The following KLHL42 variants were observed in gnomAD, a reference collection of about 807,000 sequenced individuals.
KLHL42 encodes the protein kelch like family member 42.
KLHL42 carries 27 observed loss-of-function variants against 32.7 expected under a neutral mutation model. The ratio of observed to expected loss-of-function variants is 0.83; its 90% CI spans 0.61 to 1.14. The LOEUF is 1.14. Among genes scored for constraint, KLHL42 ranks in the 50% most tolerant of loss-of-function variants. KLHL42 has a pLI of 0.00. For missense variants in KLHL42, 491 were observed against 560.8 expected, an observed-to-expected ratio of 0.88 and a Z score of 1.26; for synonymous variants, 267 against 248.2, an observed-to-expected ratio of 1.08 and a Z score of -0.71.
Position 27,780,352 on chromosome 12 carries a change from C to G in KLHL42, c.22C>G (p.Gln8Glu). ...AGCCATGTCGGCCGAGGAGATGGTG[C>G]AGATCCGCCTGGAGGACCGCTGCTA... MSAEEMV[Q>E]IRLEDRCYPV... is the part of the protein sequence containing the mutation. Residue 8 changes from glutamine (Q) to glutamate (E), a missense_variant, in exon 1 of 3, where the codon CAG becomes GAG. Gln to Glu is a conservative substitution (Grantham distance 29). This residue lies in a region of KLHL42 where 88 missense variants were observed against 89.0 expected (regional missense o/e 0.99). Coordinates refer to ENST00000381271, the MANE Select transcript of KLHL42 (RefSeq NM_020782.2). The surrounding 1 kb of genome is among the most constrained non-coding windows in gnomAD (Gnocchi z 8.8). The G allele has an allele frequency of 1.3e-6, 2 of 1,581,564 alleles. No homozygotes were observed. The highest frequency in any genetic ancestry group is 2.1e-4 in the Middle Eastern group (1 of 4,730).
chr12:27,797,129 A>C, intron 2 of KLHL42: 1 of 408,772 alleles, frequency 2.4e-6, no homozygotes, highest in Non-Finnish European at 4.8e-6. Flanking sequence ...GTCTTTAAAA[A>C]AAAACAAAAA....
At chr12:27,785,722 A>G (rs541579889) in intron 1 of KLHL42, among the ~76,000 whole-genome samples, 102 of 151,628 alleles carry the variant, frequency 6.7e-4, no homozygotes, top group African/African-American at 2.4e-3. Flanking sequence ...CCGATCAGGA[A>G]CTAGGACTTA....
intron 2 of KLHL42, 115 bp downstream of exon 2, chr12:27,792,016 A>G: frequency 2.5e-6 from 2 of 800,144 alleles, no homozygotes; most frequent in South Asian, 3.2e-5. Flanking sequence ...TTATGCTTTA[A>G]TAGTGTACAC....
At chr12:27,797,496 C>G (rs1443227809) in intron 2 of KLHL42, 1 of 596,104 alleles carries the variant, frequency 1.7e-6, no homozygotes, top group East Asian at 2.9e-5. Flanking sequence ...GTCTGAGTCT[C>G]CCACGGAAGA....
Position 27,791,727 on chromosome 12 carries a change from G to A in KLHL42, c.892G>A (p.Ala298Thr), listed in dbSNP as rs777304255. 1.2e-6 allele frequency: 2 copies of A among 1,613,990 alleles called. No homozygotes were observed. The highest frequency in any genetic ancestry group is 1.7e-6 in the Non-Finnish European group (2 of 1,179,976). Residue 298 changes from alanine to threonine, a missense_variant, in exon 2 of 3, where the codon GCT becomes ACT. Transcript: ENST00000381271. The stretch of plus-strand genomic sequence containing the variant: ...TTTCAGGTCTAACTTCAAACTTGTG[G>A]CTGTTAATTCAAAACTCTATGCCAT... ...NQKRSNFKLV[A>T]VNSKLYAIGG...
In KLHL42 at chr12:27,791,698, T is replaced by C; in HGVS notation, c.873-10T>C. ...AACTAACTCTGTGGGCCTTTGTGTC[T>C]CTCTTTCAGGTCTAACTTCAAACTT... On this transcript the variant is annotated splice_polypyrimidine_tract_variant and intron_variant, in intron 1 of 2. Coordinates refer to ENST00000381271, the MANE Select transcript of KLHL42 (RefSeq NM_020782.2). 1 of 1,610,938 alleles carries C rather than the reference T, an allele frequency of 6.2e-7. No individual in the cohort carries two copies. Among genetic ancestry groups the C allele is most frequent in the Non-Finnish European group, 8.5e-7 (1 of 1,177,134 alleles).
intron 1 of KLHL42, among the ~76,000 whole-genome samples, chr12:27,786,296 A>G (rs2062171611): frequency 6.6e-6 from 1 of 152,250 alleles, no homozygotes; most frequent in Non-Finnish European, 1.5e-5. Flanking sequence ...GCTACTTTTC[A>G]AAATTTCATC....
chr12:27,780,330 C>T lies in KLHL42; in HGVS notation c.-1C>T, dbSNP rs1377122026. On this transcript the variant is annotated 5_prime_UTR_variant, in exon 1 of 3. Transcript: ENST00000381271. This position sits in a 1 kb window ranked among gnomAD's most constrained non-coding sequence, Gnocchi z 8.8. The stretch of plus-strand genomic sequence containing the variant: ...GCGCTGCCGCCCCGGGGCCCCCAGC[C>T]ATGTCGGCCGAGGAGATGGTGCAGA... The T allele has an allele frequency of 2.6e-6, 4 of 1,560,728 alleles. No individual in the cohort carries two copies. The highest frequency in any genetic ancestry group is 1.7e-6 in the Non-Finnish European group (2 of 1,157,782).
chr12:27,784,729 C>A (rs1383514725), intron 1 of KLHL42, among the ~76,000 whole-genome samples: 1 of 152,234 alleles, frequency 6.6e-6, no homozygotes, highest in Non-Finnish European at 1.5e-5. Context: ...AGTGTTTGTG[C>A]TTGCCAGTTC....
chr12:27,801,364 G>C lies in KLHL42; in HGVS notation c.*3198G>C, dbSNP rs2062246713. 3 of 152,166 alleles carry C rather than the reference G, an allele frequency of 2.0e-5. No homozygotes were observed. Among genetic ancestry groups the C allele is most frequent in the Admixed American group, 6.5e-5 (1 of 15,268 alleles). The allele number at this position is 152,166 out of a possible 1,614,324, so 9.4% of individuals were successfully genotyped here. A position where few individuals can be genotyped will look rare whatever the true frequency, so the allele number is the denominator to read the frequency against. On this transcript the variant is annotated 3_prime_UTR_variant, in exon 3 of 3. Transcript: ENST00000381271. ...TGGACTGTTGCCTATTGAGCATTGT[G>C]GATGATGTGTTTTCAGATTTCCAGG... is the stretch of plus-strand genomic sequence containing the variant.
rs1488064701 is a variant in KLHL42 at position 27,800,887 on chromosome 12, G to A, written c.*2721G>A. 6.6e-6 allele frequency: 1 copy of A among 152,070 alleles called. No individual in the cohort carries two copies. The highest frequency in any genetic ancestry group is 1.5e-5 in the Non-Finnish European group (1 of 68,016). The allele number at this position is 152,070 out of a possible 1,614,324, so 9.4% of individuals were successfully genotyped here. Reference sequence around the variant, plus strand: ...GAAAAGGGTTGCTTGGAGGACCTGGGGTGGCAGCCCCCCGACCAGAAGCAC... The same window carrying A: ...GAAAAGGGTTGCTTGGAGGACCTGGAGTGGCAGCCCCCCGACCAGAAGCAC... On this transcript the variant is annotated 3_prime_UTR_variant, in exon 3 of 3. Transcript: ENST00000381271.
At chr12:27,787,749 A>G (rs1005637246) in intron 1 of KLHL42, 1 of 152,200 alleles carries the variant, frequency 6.6e-6, no homozygotes, top group Admixed American at 6.5e-5. Context: ...CCTGGCAGAG[A>G]TGGAATTGCA....
In KLHL42 at chr12:27,801,198, C is replaced by T. The variant is rs550606175; in HGVS notation, c.*3032C>T. 6 of 144,220 alleles carry T rather than the reference C, an allele frequency of 4.2e-5. No individual in the cohort carries two copies. The South Asian group carries it at 1.3e-3, about 31-fold the overall frequency. The allele number at this position is 144,220 out of a possible 1,614,324, so 8.9% of individuals were successfully genotyped here. On this transcript the variant is annotated 3_prime_UTR_variant, in exon 3 of 3. Transcript: ENST00000381271. The stretch of plus-strand genomic sequence containing the variant: ...AATGAGAACCAAAGAGAATTTAACC[C>T]TGCCATTTTTTTTTTTTTAACACCA...
Position 27,781,209 on chromosome 12 carries a change from AC to A in KLHL42, c.872+11del. 6.2e-7 allele frequency: 1 copy of A among 1,612,774 alleles called. No homozygotes were observed. On this transcript the variant is annotated splice_region_variant and intron_variant, in intron 1 of 2. Coordinates refer to ENST00000381271, the MANE Select transcript of KLHL42 (RefSeq NM_020782.2). The stretch of plus-strand genomic sequence containing the variant: ...CCTCCATGAACCAGAAGAGGTAAGC[AC>A]CCCGGCAGAGTGCTGCTGCCTTCTC...
At chr12:27,792,434 CAT>C (rs1375621383) in intron 2 of KLHL42, among the ~76,000 whole-genome samples, 1 of 152,236 alleles carries the variant, frequency 6.6e-6, no homozygotes, top group Non-Finnish European at 1.5e-5. Context: ...ACACTGTTCA[CAT>C]ATCACAGGAG....
chr12:27,799,950 C>T lies in KLHL42; in HGVS notation c.*1784C>T, dbSNP rs1436009963. 1.1e-6 allele frequency: 1 copy of T among 900,638 alleles called. No individual in the cohort carries two copies. Among genetic ancestry groups the T allele is most frequent in the African/African-American group, 1.8e-5 (1 of 55,334 alleles). The allele number at this position is 900,638 out of a possible 1,614,324, so 55.8% of individuals were successfully genotyped here. ...ATAAAACCTCTGAACCAAAATCTTC[C>T]CAGGAATAGTACTTAATAGATTTTA... On this transcript the variant is annotated 3_prime_UTR_variant, in exon 3 of 3. Coordinates refer to ENST00000381271, the MANE Select transcript of KLHL42 (RefSeq NM_020782.2).
In KLHL42 at chr12:27,797,138, A is replaced by C. The variant is rs2062222490; in HGVS notation, c.1067-577A>C. The C allele has an allele frequency of 4.8e-6, 2 of 415,490 alleles. 1 individual carries two copies. 25.7% of individuals were successfully genotyped at this position (415,490 alleles called of 1,614,324 possible). Reference sequence around the variant, plus strand: ...GATCCTGTCTTTAAAAAAAAACAAAAAAAAAACTGGAAACTGAATTGCCAA... The same window carrying C: ...GATCCTGTCTTTAAAAAAAAACAAACAAAAAACTGGAAACTGAATTGCCAA... On this transcript the variant is annotated intron_variant, in intron 2 of 2. Coordinates refer to ENST00000381271, the MANE Select transcript of KLHL42 (RefSeq NM_020782.2).
Position 27,781,203 on chromosome 12 carries a change from G to A in KLHL42, c.872+1G>A. 1.2e-6 allele frequency: 2 copies of A among 1,613,404 alleles called. No homozygotes were observed. Among genetic ancestry groups the A allele is most frequent in the Non-Finnish European group, 8.5e-7 (1 of 1,180,004 alleles). ...AGGTGGCCTCCATGAACCAGAAGAG[G>A]TAAGCACCCCGGCAGAGTGCTGCTG... On this transcript the variant is annotated splice_donor_variant, in intron 1 of 2. Coordinates refer to ENST00000381271, the MANE Select transcript of KLHL42 (RefSeq NM_020782.2). LOFTEE classifies it high-confidence loss of function.
chr12:27,797,385 CTTACTTT>C, intron 2 of KLHL42: 1 of 496,760 alleles, frequency 2.0e-6, no homozygotes. Flanking sequence ...TTCTGAGGCA[CTTACTTT>C]TTTTACACTG....
Sources: allele counts gnomAD v4.1 joint callset (sites outside exome capture counted in the v4.1 genomes callset), GRCh38; gene constraint gnomAD v4.1.1; regional missense constraint gnomAD v4.1.1; non-coding constraint Gnocchi (gnomAD v3.1); transcripts MANE v1.5; gene names NCBI Gene and HGNC (gene_info 2026-07-23, HGNC 2026-07-21).